The following CACNA2D4 variants were observed in gnomAD, a reference collection of about 807,000 sequenced individuals.
CACNA2D4 encodes the protein calcium voltage-gated channel auxiliary subunit alpha2delta 4.
In CACNA2D4, 157 loss-of-function variants were observed where a neutral mutation model predicts 163.8. That is an observed-to-expected ratio of 0.96 (90% CI 0.84 to 1.09). The LOEUF (loss-of-function observed/expected upper bound fraction) is 1.09. CACNA2D4 is among the 50% of genes least tolerant of loss of function. The probability of loss-of-function intolerance (pLI) is 0.00; values close to 1 mark genes in which losing one functional copy is unlikely to be tolerated. For missense variants in CACNA2D4, 1,410 were observed against 1,479.9 expected (o/e 0.95, Z 0.78); for synonymous variants, 598 against 586.9 (o/e 1.02, Z -0.27).
At chr12:1,887,671 G>A (rs1866180839) in intron 6 of CACNA2D4, among the ~76,000 whole-genome samples, 1 of 152,190 alleles carries the variant, frequency 6.6e-6, no homozygotes, top group Admixed American at 6.5e-5. Context: ...GAATGCTGGT[G>A]TAGATTTTTA....
chr12:1,827,075 C>T (rs539589988), intron 26 of CACNA2D4, among the ~76,000 whole-genome samples: 43 of 152,326 alleles, frequency 2.8e-4, no homozygotes, highest in East Asian at 1.2e-3. Flanking sequence ...AGTGGGCTGA[C>T]GCAGGGAGCC....
chr12:1,839,357 A>G (rs1454413052), intron 26 of CACNA2D4, among the ~76,000 whole-genome samples: 1 of 152,238 alleles, frequency 6.6e-6, no homozygotes, highest in Non-Finnish European at 1.5e-5. Context: ...GCTTCATCGC[A>G]GGGACCTGAT....
intron 26 of CACNA2D4, among the ~76,000 whole-genome samples, chr12:1,818,212 C>CA (rs1288519807): frequency 6.6e-6 from 1 of 151,364 alleles, no homozygotes; most frequent in Non-Finnish European, 1.5e-5. Flanking sequence ...TCCGCCCGGC[C>CA]GCCCCTACTG....
In CACNA2D4 at chr12:1,846,629, G is replaced by T. The variant is rs201035458; in HGVS notation, c.2307C>A (p.Ser769Arg). 5.2e-4 allele frequency: 841 copies of T among 1,604,064 alleles called. 1 individual carries two copies. The highest frequency in any genetic ancestry group is 6.6e-4 in the Non-Finnish European group (772 of 1,177,468). Reference protein sequence around the residue: ...FLGTRAGLLRSSLFVGSEKVS... With the variant: ...FLGTRAGLLRRSLFVGSEKVS... ...CCTTCTCGGAGCCCACGAACAAGCT[G>T]CTTCTCAGGAGGCCAGCCCGGGTGC... The change falls in exon 24 of 38, where the codon AGC becomes AGA. Residue 769 changes from serine to arginine, a missense_variant. By Grantham distance (110) the Ser-to-Arg change is moderately radical. Coordinates refer to ENST00000382722, the MANE Select transcript of CACNA2D4 (RefSeq NM_172364.5).
rs78755035 is a variant in CACNA2D4, at chr12:1,826,025, G to T, written c.2552-14302C>A. 7.0e-3 allele frequency among the ~76,000 whole-genome samples: 1,059 copies of T among 152,258 alleles called. 13 individuals are homozygous for T. Among genetic ancestry groups the T allele is most frequent in the African/African-American group, 0.025 (1,026 of 41,520 alleles). ...GCAGGCCTGCGAGGGCCGTAGGTGT[G>T]GGGCAGAAATACATAGACTCCACAG... On this transcript the variant is annotated intron_variant, in intron 26 of 37. Coordinates refer to ENST00000382722, the MANE Select transcript of CACNA2D4 (RefSeq NM_172364.5).
intron 32 of CACNA2D4, 96 bp downstream of exon 32, chr12:1,800,290 T>A (rs983163986): frequency 1.6e-5 from 22 of 1,357,446 alleles, no homozygotes; most frequent in Non-Finnish European, 2.3e-5. Context: ...AGCAAGTGGG[T>A]TGTCCTGGAG....
At chr12:1,872,870 T>A (rs879827661) in intron 18 of CACNA2D4, among the ~76,000 whole-genome samples, 10 of 152,136 alleles carry the variant, frequency 6.6e-5, no homozygotes, top group Non-Finnish European at 1.5e-4. Flanking sequence ...CAAGGTGGAA[T>A]AGAAATGCTA....
chr12:1,814,402 C>T (rs1269519369), intron 26 of CACNA2D4, among the ~76,000 whole-genome samples: 1 of 152,164 alleles, frequency 6.6e-6, no homozygotes, highest in Non-Finnish European at 1.5e-5. Context: ...AAATTTAGGG[C>T]ATTGCAACCG....
In CACNA2D4 at chr12:1,907,891, G is replaced by C. The variant is rs764380773; in HGVS notation, c.633C>G (p.Thr211=). ...NTSISSVQLP[T]NVYNKDPDIL... ...GCCGGCTACCTTTGTTGTACACGTT[G>C]GTGGGCAGCTGCACGCTGCTGATGG... is the stretch of plus-strand genomic sequence containing the variant. The change falls in exon 5 of 38, where the codon ACC becomes ACG. Residue 211 remains threonine, a synonymous_variant. Coordinates refer to ENST00000382722, the MANE Select transcript of CACNA2D4 (RefSeq NM_172364.5). 4 of 1,614,046 alleles carry C rather than the reference G, an allele frequency of 2.5e-6. No individual in the cohort carries two copies. In the South Asian group the frequency reaches 4.4e-5, roughly 18 times the overall value.
chr12:1,846,771 C>T, intron 23 of CACNA2D4, 82 bp from the exon 24 acceptor site: 1 of 1,114,964 alleles, frequency 9.0e-7, no homozygotes, highest in South Asian at 1.3e-5. Context: ...TTGGGGGCCT[C>T]TCCTTGCTCC....
chr12:1,838,167 G>T (rs183894598), intron 26 of CACNA2D4, among the ~76,000 whole-genome samples: 29 of 152,348 alleles, frequency 1.9e-4, no homozygotes, highest in African/African-American at 6.7e-4. Context: ...TGCAGTAGCT[G>T]TCTATAAACC....
chr12:1,874,653 C>CT lies in CACNA2D4; in HGVS notation c.1828dup (p.Arg610LysfsTer16). On this transcript the variant is annotated frameshift_variant, in exon 18 of 38. Transcript: ENST00000382722. LOFTEE classifies it high-confidence loss of function. This position sits in a 1 kb window ranked among gnomAD's most constrained non-coding sequence, Gnocchi z 4.4. Reference sequence around the variant, plus strand: ...ATCCATCGAGAGAGTACCTGTTTCCCTATTGATCATGGCTGTTCTCAGCTT... The same window carrying CT: ...ATCCATCGAGAGAGTACCTGTTTCCCTTATTGATCATGGCTGTTCTCAGCTT... 2.5e-6 allele frequency: 4 copies of CT among 1,613,232 alleles called. No homozygotes were observed. Among genetic ancestry groups the CT allele is most frequent in the Non-Finnish European group, 3.4e-6 (4 of 1,179,272 alleles).
intron 29 of CACNA2D4, among the ~76,000 whole-genome samples, chr12:1,810,065 G>T (rs906704606): frequency 6.6e-6 from 1 of 152,216 alleles, no homozygotes; most frequent in Non-Finnish European, 1.5e-5. Flanking sequence ...TATTTTCTCT[G>T]ACTCCCTGAG....
intron 35 of CACNA2D4, 67 bp from the exon 36 acceptor site, chr12:1,795,847 A>G (rs997556357): frequency 3.8e-5 from 38 of 989,476 alleles, no homozygotes; most frequent in Non-Finnish European, 5.8e-5. Flanking sequence ...TAGGGAAGGA[A>G]CTTCTGGAGA....
rs1216130130 is a variant in CACNA2D4, at chr12:1,792,915, C to G, written c.*740G>C. The G allele has an allele frequency of 6.6e-6, 1 of 152,192 alleles. No homozygotes were observed. The highest frequency in any genetic ancestry group is 1.5e-5 in the Non-Finnish European group (1 of 68,040). 9.4% of individuals were successfully genotyped at this position (152,192 alleles called of 1,614,324 possible). On this transcript the variant is annotated 3_prime_UTR_variant, in exon 38 of 38. Transcript: ENST00000382722. ...GCAATTGGATGTCTCAGCCTATTGG[C>G]TTTTCATAGATGCAAACTTTCCTTT...
chr12:1,882,619 G>A (rs1866030027), intron 13 of CACNA2D4, among the ~76,000 whole-genome samples: 3 of 152,172 alleles, frequency 2.0e-5, no homozygotes, highest in Non-Finnish European at 4.4e-5. Flanking sequence ...CCTGTCCGTG[G>A]AGAGCACCTC....
intron 6 of CACNA2D4, among the ~76,000 whole-genome samples, chr12:1,887,569 A>G (rs1180531969): frequency 6.6e-6 from 1 of 152,232 alleles, no homozygotes; most frequent in African/African-American, 2.4e-5. Flanking sequence ...GGATTCCTAG[A>G]ACCCAGCAGA....
chr12:1,879,807 T>A lies in CACNA2D4; in HGVS notation c.1560A>T (p.Glu520Asp). Reference protein sequence around the residue: ...VAMPVFSKKNETRSHGILLGV... With the variant: ...VAMPVFSKKNDTRSHGILLGV... ...GTCTCCAGGAGCGGCCACTCACCGT[T>A]TCGTTCTTCTTGCTGAAGACTGGCA... is the stretch of plus-strand genomic sequence containing the variant. The change falls in exon 14 of 38, where the codon GAA becomes GAT. Residue 520 changes from glutamate (E) to aspartate (D), a missense_variant. Physicochemically the swap from Glu to Asp is conservative, Grantham distance 45. Transcript: ENST00000382722. 6.3e-7 allele frequency: 1 copy of A among 1,598,432 alleles called. No individual in the cohort carries two copies.
In CACNA2D4 at chr12:1,829,233, A is replaced by C. The variant is rs991809682; in HGVS notation, c.2551+11506T>G. On this transcript the variant is annotated intron_variant, in intron 26 of 37. Transcript: ENST00000382722. This position sits in a 1 kb window ranked among gnomAD's most constrained non-coding sequence, Gnocchi z 4.2. ...GCCTGCTGTCAGGCCCTTCTCTGGGAGGGGCGAGCGGCTTCTGGTGATGCA... is the reference window on the plus strand; with the variant it reads ...GCCTGCTGTCAGGCCCTTCTCTGGGCGGGGCGAGCGGCTTCTGGTGATGCA... Among the ~76,000 whole-genome samples, 1 of 152,078 alleles carries C rather than the reference A, an allele frequency of 6.6e-6. No individual in the cohort carries two copies. The highest frequency in any genetic ancestry group is 2.1e-4 in the South Asian group (1 of 4,826).
Sources: allele counts gnomAD v4.1 joint callset (sites outside exome capture counted in the v4.1 genomes callset), GRCh38; gene constraint gnomAD v4.1.1; non-coding constraint Gnocchi (gnomAD v3.1); transcripts MANE v1.5; gene names NCBI Gene and HGNC (gene_info 2026-07-23, HGNC 2026-07-21).